Variants in UROS observed in about 807,000 individuals in gnomAD.
UROS encodes the protein uroporphyrinogen-III synthase.
Under a neutral mutation model 33.0 loss-of-function variants are expected in UROS, and 18 were observed. That is an observed-to-expected ratio of 0.55 (90% CI 0.38 to 0.81). The LOEUF is 0.81. Ranked by LOEUF, UROS falls within the 30% of genes least tolerant of loss-of-function variation. The probability of loss-of-function intolerance (pLI) is 0.00; values close to 1 mark genes in which losing one functional copy is unlikely to be tolerated. For missense variants in UROS, 293 were observed against 314.9 expected (o/e 0.93, Z 0.53); for synonymous variants, 114 against 121.1 (o/e 0.94, Z 0.38).
chr10:125,802,287 C>T, intron 6 of UROS: 5 of 985,804 alleles, frequency 5.1e-6, no homozygotes, highest in Non-Finnish European at 6.0e-6. Context: ...TGGCACGGGG[C>T]CCAACCAGTG....
At chr10:125,796,543 C>T (rs1310816336) in intron 7 of UROS, among the ~76,000 whole-genome samples, 3 of 152,224 alleles carry the variant, frequency 2.0e-5, no homozygotes, top group Non-Finnish European at 4.4e-5. Flanking sequence ...AGACTGGTTG[C>T]ATGACACCAG....
chr10:125,817,224 ATTTTTTTTTTTTT>A (rs11431196), intron 1 of UROS, among the ~76,000 whole-genome samples: 11 of 74,058 alleles, frequency 1.5e-4, no homozygotes, highest in Admixed American at 4.1e-4. Flanking sequence ...TTATAGATGT[ATTTTTTTTTTTTT>A]TTTTTTTTTT....
intron 6 of UROS, among the ~76,000 whole-genome samples, chr10:125,799,967 G>C (rs987039534): frequency 6.6e-6 from 1 of 152,188 alleles, no homozygotes; most frequent in Admixed American, 6.5e-5. Context: ...GGCTGACACA[G>C]AGATAGTGAA....
intron 6 of UROS, chr10:125,803,140 G>T: frequency 7.0e-7 from 1 of 1,427,392 alleles, no homozygotes. Context: ...TTGAGCCCCA[G>T]CCTACCACTA....
At chr10:125,794,583 C>G (rs907883280) in intron 9 of UROS, among the ~76,000 whole-genome samples, 3 of 152,178 alleles carry the variant, frequency 2.0e-5, no homozygotes, top group Non-Finnish European at 2.9e-5. Context: ...TAATTCAGGA[C>G]TTTACTCAAA....
chr10:125,803,712 C>T (rs1245792252), intron 6 of UROS, among the ~76,000 whole-genome samples: 3 of 152,208 alleles, frequency 2.0e-5, no homozygotes, highest in Non-Finnish European at 4.4e-5. Context: ...TGTAAGGCCC[C>T]GTGCCTCAGG....
intron 6 of UROS, 54 bp downstream of exon 6, chr10:125,807,359 G>C: frequency 6.8e-7 from 1 of 1,472,958 alleles, no homozygotes; most frequent in Non-Finnish European, 9.5e-7. Context: ...GGTAGTGGTT[G>C]TGAGGTCAAC....
intron 9 of UROS, chr10:125,793,949 T>C (rs1347604537): frequency 3.3e-5 from 5 of 152,182 alleles, no homozygotes; most frequent in Admixed American, 6.5e-5. Flanking sequence ...CTTTGGCAAG[T>C]TGTTTCACCT....
At chr10:125,813,231 G>T (rs1156565044) in intron 4 of UROS, among the ~76,000 whole-genome samples, 1 of 152,196 alleles carries the variant, frequency 6.6e-6, no homozygotes, top group Non-Finnish European at 1.5e-5. Flanking sequence ...TAACGTGTGT[G>T]TCCCAGGTAA....
intron 1 of UROS, among the ~76,000 whole-genome samples, chr10:125,817,857 G>T (rs1853485847): frequency 6.6e-6 from 1 of 152,104 alleles, no homozygotes; most frequent in South Asian, 2.1e-4. Context: ...CTTTGAATAC[G>T]AAAATGTTTG....
intron 6 of UROS, among the ~76,000 whole-genome samples, chr10:125,801,274 G>C (rs1167842081): frequency 1.3e-5 from 2 of 152,136 alleles, no homozygotes; most frequent in Non-Finnish European, 2.9e-5. Context: ...TGCCCACACA[G>C]TTTCTCTCTC....
At chr10:125,817,537 G>T (rs1227566163) in intron 1 of UROS, among the ~76,000 whole-genome samples, 1 of 151,964 alleles carries the variant, frequency 6.6e-6, no homozygotes, top group Non-Finnish European at 1.5e-5. Flanking sequence ...ACCATGGTGT[G>T]ATCTTGTTTT....
intron 6 of UROS, among the ~76,000 whole-genome samples, chr10:125,800,253 G>A (rs1851721155): frequency 6.6e-6 from 1 of 152,254 alleles, no homozygotes; most frequent in Non-Finnish European, 1.5e-5. Context: ...AGACCAGATT[G>A]CTGGTCCCAG....
chr10:125,819,278 G>A (rs146397170), intron 1 of UROS, among the ~76,000 whole-genome samples: 95 of 152,264 alleles, frequency 6.2e-4, no homozygotes, highest in African/African-American at 2.1e-3. Context: ...CACTGCACCC[G>A]GCCTAAAGTT....
chr10:125,813,602 T>C (rs75526714), intron 4 of UROS, among the ~76,000 whole-genome samples: 27 of 152,302 alleles, frequency 1.8e-4, no homozygotes, highest in African/African-American at 6.3e-4. Context: ...CTCAGCCTCC[T>C]GAGTAGCTGG....
At chr10:125,796,637 C>A (rs918813734) in intron 7 of UROS, among the ~76,000 whole-genome samples, 1 of 151,992 alleles carries the variant, frequency 6.6e-6, no homozygotes, top group African/African-American at 2.4e-5. Context: ...CATGGCCACG[C>A]GTCCCCTCTC....
At chr10:125,811,998 G>A (rs973034664) in intron 5 of UROS, among the ~76,000 whole-genome samples, 2 of 152,178 alleles carry the variant, frequency 1.3e-5, no homozygotes, top group African/African-American at 4.8e-5. Context: ...TACTGACCAA[G>A]TGGTTCTCAA....
downstream of UROS, among the ~76,000 whole-genome samples, chr10:125,788,123 C>A (rs1411767460): frequency 6.6e-6 from 1 of 152,168 alleles, no homozygotes; most frequent in East Asian, 1.9e-4. Flanking sequence ...GCCTTCCCAC[C>A]ACCAGCCCAC....
At chr10:125,822,228 C>A (rs984570962) in intron 1 of UROS, among the ~76,000 whole-genome samples, 1 of 152,158 alleles carries the variant, frequency 6.6e-6, no homozygotes, top group Non-Finnish European at 1.5e-5. Context: ...CAGGGGCTGG[C>A]GCTCGCTCTG....
Sources: gnomAD v4.1 joint callset for allele counts (sites outside exome capture counted in the v4.1 genomes callset) on GRCh38, gnomAD v4.1.1 for gene constraint, MANE v1.5 for transcripts, NCBI Gene and HGNC (gene_info 2026-07-23, HGNC 2026-07-21) for gene names.